ZNF333: variants seen among roughly 807,000 people sequenced by gnomAD.
ZNF333 encodes zinc finger protein 333.
ZNF333 carries 61 observed loss-of-function variants against 76.1 expected under a neutral mutation model. The ratio of observed to expected loss-of-function variants is 0.80; its 90% CI spans 0.65 to 0.99. The LOEUF (loss-of-function observed/expected upper bound fraction) is 0.99. Among genes scored for constraint, ZNF333 ranks in the 50% least tolerant of loss-of-function variants. The pLI is 0.00. For missense variants in ZNF333, 717 were observed against 822.4 expected (o/e 0.87, Z 1.57); for synonymous variants, 284 against 305.0 (o/e 0.93, Z 0.72).
At chr19:14,705,469 A>G (rs2042082159) in intron 6 of ZNF333, among the ~76,000 whole-genome samples, 1 of 152,098 alleles carries the variant, frequency 6.6e-6, no homozygotes, top group Non-Finnish European at 1.5e-5. Flanking sequence ...CACTGCTTCC[A>G]TAACCTCGAA....
chr19:14,705,267 G>C, intron 6 of ZNF333, 97 bp downstream of exon 6: 1 of 1,085,820 alleles, frequency 9.2e-7, no homozygotes. Flanking sequence ...AGGGAAAGGA[G>C]GGTGTTTGGG....
chr19:14,718,611 G>A lies in ZNF333; in HGVS notation c.1284G>A (p.Gly428=), dbSNP rs2042508057. The A allele has an allele frequency of 1.2e-6, 2 of 1,613,724 alleles. No homozygotes were observed. The highest frequency in any genetic ancestry group is 1.7e-5 in the Admixed American group (1 of 60,004). The change falls in exon 12 of 12, where the codon GGG becomes GGA. Residue 428 remains glycine (G), a synonymous_variant. Coordinates refer to ENST00000292530, the MANE Select transcript of ZNF333 (RefSeq NM_032433.4). The part of the protein sequence containing the change: ...GEKPFECSQC[G]KTFTRNFNLI... ...AGCCATTTGAATGTAGTCAGTGTGG[G>A]AAAACCTTCACGAGGAACTTTAACC...
At chr19:14,700,524 C>T (rs930710034) in intron 5 of ZNF333, among the ~76,000 whole-genome samples, 1 of 152,182 alleles carries the variant, frequency 6.6e-6, no homozygotes, top group Non-Finnish European at 1.5e-5. Flanking sequence ...AGATCCCACA[C>T]TGGAAGGAAG....
At chr19:14,729,545 G>A (rs970964440) in intron 11 of ZNF333, among the ~76,000 whole-genome samples, 1 of 151,908 alleles carries the variant, frequency 6.6e-6, no homozygotes, top group African/African-American at 2.4e-5. Flanking sequence ...TAGAGTTAGG[G>A]TTTCTCCATT....
At chr19:14,713,960 C>CA (rs2147005312) in intron 7 of ZNF333, among the ~76,000 whole-genome samples, 1 of 145,676 alleles carries the variant, frequency 6.9e-6, no homozygotes, top group Non-Finnish European at 1.6e-5. Context: ...GACTCTGGCT[C>CA]AAAACAACAA....
At chr19:14,715,233 A>G (rs559524947) in intron 7 of ZNF333, 149 bp from the exon 8 acceptor site, 5 of 625,122 alleles carry the variant, frequency 8.0e-6, no homozygotes, top group African/African-American at 7.3e-5. Context: ...GCTTGCAGAT[A>G]TGTGTCTGCA....
chr19:14,717,260 T>G (rs1287112631), intron 10 of ZNF333, 171 bp downstream of exon 10: 2 of 582,654 alleles, frequency 3.4e-6, no homozygotes, highest in African/African-American at 3.8e-5. Context: ...CTTTTTAATC[T>G]CTAAAACTTT....
chr19:14,719,440 ATTGTC>A lies in ZNF333; in HGVS notation c.*118_*122del. 8.0e-7 allele frequency: 1 copy of A among 1,253,856 alleles called. No individual in the cohort carries two copies. The highest frequency in any genetic ancestry group is 1.6e-5 in the South Asian group (1 of 62,706). The allele number at this position is 1,253,856 out of a possible 1,614,324, so 77.7% of individuals were successfully genotyped here. A position where few individuals can be genotyped will look rare whatever the true frequency, so the allele number is the denominator to read the frequency against. On this transcript the variant is annotated 3_prime_UTR_variant, in exon 12 of 12. Transcript: ENST00000292530. ...TTTTCATTTTGGTTTAATTGTAAGT[ATTGTC>A]TTAACCTCCATTATCGTTTATTCTT...
chr19:14,730,720 A>G (rs998324080), intron 11 of ZNF333, among the ~76,000 whole-genome samples: 2 of 151,926 alleles, frequency 1.3e-5, no homozygotes, highest in Non-Finnish European at 2.9e-5. Flanking sequence ...ACAAGAGTAT[A>G]TTGCATGATG....
chr19:14,713,744 G>A (rs2042343499), intron 7 of ZNF333, among the ~76,000 whole-genome samples: 1 of 151,964 alleles, frequency 6.6e-6, no homozygotes, highest in Non-Finnish European at 1.5e-5. Context: ...GATCGCTTGA[G>A]GCTAGGAATT....
chr19:14,720,953 A>T lies in ZNF333; in HGVS notation c.*1628A>T. The T allele has an allele frequency of 1.1e-6, 1 of 911,614 alleles. No homozygotes were observed. Among genetic ancestry groups the T allele is most frequent in the Non-Finnish European group, 1.3e-6 (1 of 762,928 alleles). 56.5% of individuals were successfully genotyped at this position (911,614 alleles called of 1,614,324 possible). A position where few individuals can be genotyped will look rare whatever the true frequency, so the allele number is the denominator to read the frequency against. On this transcript the variant is annotated 3_prime_UTR_variant, in exon 12 of 12. Transcript: ENST00000292530. ...AAATATAGATACTGACATTTTTTAC[A>T]TTTCCAACAAATTGTTACTTTTATT...
At chr19:14,729,039 G>A (rs1285832682) in intron 11 of ZNF333, among the ~76,000 whole-genome samples, 1 of 152,204 alleles carries the variant, frequency 6.6e-6, no homozygotes, top group Non-Finnish European at 1.5e-5. Flanking sequence ...TATGTGTGTG[G>A]TTTTGAGGGG....
rs565778441 is a variant in ZNF333, at chr19:14,720,628, G to A, written c.*1303G>A. 149 of 985,260 alleles carry A rather than the reference G, an allele frequency of 1.5e-4. 3 individuals carry two copies. In the African/African-American group the frequency reaches 2.3e-3, roughly 15 times the overall value. 61.0% of individuals were successfully genotyped at this position (985,260 alleles called of 1,614,324 possible). A position where few individuals can be genotyped will look rare whatever the true frequency, so the allele number is the denominator to read the frequency against. ...TTGTTTGTTTTTGTTTTTGGTGGGA[G>A]GTTTATTTCACCTGAATATAATTCC... On this transcript the variant is annotated 3_prime_UTR_variant, in exon 12 of 12. Transcript: ENST00000292530.
downstream of ZNF333, among the ~76,000 whole-genome samples, chr19:14,725,771 T>C (rs930411771): frequency 2.0e-5 from 3 of 152,202 alleles, no homozygotes; most frequent in Admixed American, 6.5e-5. Flanking sequence ...TTTGGGCAGC[T>C]CCAGCCCTGT....
At chr19:14,704,132 T>C (rs2042043706) in intron 5 of ZNF333, among the ~76,000 whole-genome samples, 1 of 152,102 alleles carries the variant, frequency 6.6e-6, no homozygotes, top group Non-Finnish European at 1.5e-5. Flanking sequence ...TATAGTGAAA[T>C]GTCTCATAGC....
In ZNF333 at chr19:14,700,758, G is replaced by T. The variant is rs1385303703; in HGVS notation, c.306+1477G>T. 8.5e-5 allele frequency among the ~76,000 whole-genome samples: 13 copies of T among 152,300 alleles called. No individual in the cohort carries two copies. The South Asian group carries it at 2.5e-3, about 29-fold the overall frequency. On this transcript the variant is annotated intron_variant, in intron 5 of 11. Coordinates refer to ENST00000292530, the MANE Select transcript of ZNF333 (RefSeq NM_032433.4). ...GAGCTCAGCCTCACCCCCAAGTGGG[G>T]CGTATTAGTCCCAGGGTCAGTGAGA...
chr19:14,698,357 G>A (rs1466682621), intron 4 of ZNF333, among the ~76,000 whole-genome samples: 3 of 131,082 alleles, frequency 2.3e-5, no homozygotes, highest in African/African-American at 5.9e-5. Context: ...CTGGGCGACA[G>A]AGTGAGACTC....
chr19:14,699,121 T>C (rs936888038), intron 4 of ZNF333, 78 bp from the exon 5 acceptor site: 3 of 1,096,528 alleles, frequency 2.7e-6, no homozygotes, highest in African/African-American at 3.1e-5. Context: ...TATTCACATA[T>C]ATATGTGAAT....
At chr19:14,715,180 TG>T in intron 7 of ZNF333, 1 of 551,838 alleles carries the variant, frequency 1.8e-6, no homozygotes, top group East Asian at 3.1e-5. Flanking sequence ...TGTGCATGTC[TG>T]TGTACGTGTG....
Sources: allele counts gnomAD v4.1 joint callset (sites outside exome capture counted in the v4.1 genomes callset), GRCh38; gene constraint gnomAD v4.1.1; transcripts MANE v1.5; gene names NCBI Gene and HGNC (gene_info 2026-07-23, HGNC 2026-07-21).